DOCK9: variants seen among roughly 807,000 people sequenced by gnomAD.
The protein encoded by DOCK9 is dedicator of cytokinesis protein 9.
DOCK9 carries 89 observed loss-of-function variants against 263.3 expected under a neutral mutation model. That is an observed-to-expected ratio of 0.34 (90% CI 0.28 to 0.40). The LOEUF is 0.40. DOCK9 is among the 10% of genes least tolerant of loss of function. The pLI is 1.00. For synonymous variants in DOCK9, 976 were observed against 973.1 expected, an observed-to-expected ratio of 1.00 and a Z score of -0.06; for missense variants, 2,140 against 2,603.4, an observed-to-expected ratio of 0.82 and a Z score of 3.87.
chr13:99,040,540 T>C (rs968365581), intron 1 of DOCK9, among the ~76,000 whole-genome samples: 1 of 152,148 alleles, frequency 6.6e-6, no homozygotes, highest in Non-Finnish European at 1.5e-5. Flanking sequence ...AAATAAAGCA[T>C]TCTACTTTAA....
At chr13:98,943,459 G>A (rs181567751) in intron 2 of DOCK9, among the ~76,000 whole-genome samples, 1 of 152,314 alleles carries the variant, frequency 6.6e-6, no homozygotes, top group East Asian at 1.9e-4. Context: ...CTGGTCATAC[G>A]TTAAATGACA....
intron 1 of DOCK9, chr13:99,015,708 T>C (rs1885302519): frequency 1.4e-6 from 2 of 1,426,500 alleles, no homozygotes. Context: ...ACCATCTTCG[T>C]GACAAGCAGT....
At chr13:98,960,045 T>C (rs2058465012) in intron 1 of DOCK9, among the ~76,000 whole-genome samples, 1 of 152,058 alleles carries the variant, frequency 6.6e-6, no homozygotes, top group South Asian at 2.1e-4. Context: ...CAAAATGACA[T>C]AGGCTAATTA....
At chr13:99,072,910 G>A (rs1195366091) in intron 1 of DOCK9, among the ~76,000 whole-genome samples, 5 of 152,122 alleles carry the variant, frequency 3.3e-5, no homozygotes, top group Non-Finnish European at 5.9e-5. Context: ...AAGATGGGAG[G>A]ATTGCTTGAG....
chr13:98,880,408 T>C, intron 26 of DOCK9, 139 bp downstream of exon 26: 1 of 1,056,612 alleles, frequency 9.5e-7, no homozygotes, highest in Non-Finnish European at 1.4e-6. Context: ...TTAGAAAAGT[T>C]GGTATCAGAG....
intron 1 of DOCK9, among the ~76,000 whole-genome samples, chr13:99,016,821 C>T (rs1002028623): frequency 6.6e-6 from 1 of 152,152 alleles, no homozygotes; most frequent in Non-Finnish European, 1.5e-5. Flanking sequence ...TGATATTATT[C>T]CTTATTTCAC....
At chr13:99,051,868 A>AT (rs982962724) in intron 1 of DOCK9, among the ~76,000 whole-genome samples, 2 of 151,732 alleles carry the variant, frequency 1.3e-5, no homozygotes, top group Non-Finnish European at 2.9e-5. Flanking sequence ...AAAAAAAAAA[A>AT]AAAAAAAAAT....
chr13:99,001,223 G>A (rs544408099), intron 1 of DOCK9, among the ~76,000 whole-genome samples: 4 of 152,284 alleles, frequency 2.6e-5, no homozygotes, highest in East Asian at 1.9e-4. Context: ...TTGCTGGTAC[G>A]AAACCACTTG....
intron 35 of DOCK9, among the ~76,000 whole-genome samples, chr13:98,852,108 A>G (rs538195697): frequency 6.6e-6 from 1 of 152,348 alleles, no homozygotes; most frequent in East Asian, 1.9e-4. Flanking sequence ...TTTGAAATTT[A>G]AAATATTTTT....
Position 98,915,474 on chromosome 13 carries a change from C to T in DOCK9, c.747G>A (p.Glu249=), listed in dbSNP as rs2050738404. ...AACTACTTTTGTCCTGCATCTTGAG[C>T]TCAAAAGCAAAACGCCTGACTTTGT... ...QNNKVRRFAF[E]LKMQDKSSYL... The change falls in exon 8 of 53, where the codon GAG becomes GAA. Residue 249 remains glutamate, a synonymous_variant. Coordinates refer to ENST00000682017, the MANE Select transcript of DOCK9 (RefSeq NM_001366683.2). 6.2e-7 allele frequency: 1 copy of T among 1,612,970 alleles called. No individual in the cohort carries two copies. Among genetic ancestry groups the T allele is most frequent in the Non-Finnish European group, 8.5e-7 (1 of 1,179,550 alleles).
At chr13:98,862,944 C>T (rs2093916661) in intron 32 of DOCK9, 75 bp downstream of exon 32, 2 of 1,316,778 alleles carry the variant, frequency 1.5e-6, no homozygotes, top group South Asian at 1.3e-5. Context: ...CTCTAAGCCA[C>T]CCAGCTTATG....
chr13:98,894,042 C>G (rs9584963), intron 15 of DOCK9, among the ~76,000 whole-genome samples: 19,772 of 152,162 alleles, frequency 0.13, 1,375 homozygotes, highest in South Asian at 0.2. Context: ...TTTCCCTGGG[C>G]TCCTTTCTGC....
intron 1 of DOCK9, among the ~76,000 whole-genome samples, chr13:98,984,576 G>A (rs1878005935): frequency 1.3e-5 from 2 of 152,196 alleles, no homozygotes; most frequent in Non-Finnish European, 2.9e-5. Flanking sequence ...TACTATTAGT[G>A]ATTCTTTTTC....
intron 1 of DOCK9, chr13:99,015,359 A>T (rs1885229589): frequency 8.6e-7 from 1 of 1,161,552 alleles, no homozygotes; most frequent in Admixed American, 3.0e-5. Flanking sequence ...ATATAAGTAC[A>T]CTTAAATAAA....
chr13:98,939,937 G>A (rs2055539087), intron 2 of DOCK9, among the ~76,000 whole-genome samples: 1 of 152,192 alleles, frequency 6.6e-6, no homozygotes, highest in African/African-American at 2.4e-5. Context: ...ACCCCACTTG[G>A]TTGCACTGGT....
At chr13:98,927,805 G>C (rs1354895686) in intron 3 of DOCK9, among the ~76,000 whole-genome samples, 1 of 151,760 alleles carries the variant, frequency 6.6e-6, no homozygotes, top group Non-Finnish European at 1.5e-5. Flanking sequence ...ATTTTTAGTA[G>C]AGACAGGGTT....
chr13:98,950,910 T>C (rs188542290), intron 2 of DOCK9, among the ~76,000 whole-genome samples: 2 of 152,318 alleles, frequency 1.3e-5, no homozygotes, highest in East Asian at 1.9e-4. Flanking sequence ...AGAATCGTCA[T>C]TGGAAATCAA....
At chr13:99,069,588 T>C (rs546838597) in intron 1 of DOCK9, among the ~76,000 whole-genome samples, 1 of 152,330 alleles carries the variant, frequency 6.6e-6, no homozygotes, top group South Asian at 2.1e-4. Context: ...GTTCTTGTCT[T>C]TATAACTAGC....
At chr13:98,983,286 G>A (rs750508002) in intron 1 of DOCK9, among the ~76,000 whole-genome samples, 72 of 152,122 alleles carry the variant, frequency 4.7e-4, no homozygotes, top group Non-Finnish European at 2.9e-4. Flanking sequence ...AAGATTTTCC[G>A]CAGTATACTG....
Sources: gnomAD v4.1 joint callset for allele counts (sites outside exome capture counted in the v4.1 genomes callset) on GRCh38, gnomAD v4.1.1 for gene constraint, MANE v1.5 for transcripts, NCBI Gene and HGNC (gene_info 2026-07-23, HGNC 2026-07-21) for gene names.